ARHGAP28: variants seen among roughly 807,000 people sequenced by gnomAD.
The protein encoded by ARHGAP28 is Rho GTPase activating protein 28.
A neutral mutation model predicts 90.7 loss-of-function variants in ARHGAP28; 56 were observed. The ratio of observed to expected loss-of-function variants is 0.62; its 90% CI spans 0.50 to 0.77. ARHGAP28 has a LOEUF of 0.77. Among genes scored for constraint, ARHGAP28 ranks in the 30% least tolerant of loss-of-function variants. The pLI, the probability that ARHGAP28 is intolerant of heterozygous loss-of-function variation, is 0.00. For synonymous variants in ARHGAP28, 308 were observed against 323.3 expected (o/e 0.95, Z 0.51); for missense variants, 869 against 900.9 (o/e 0.96, Z 0.45).
At chr18:6,898,707 A>G (rs1202591971) in intron 16 of ARHGAP28, 5 of 1,402,372 alleles carry the variant, frequency 3.6e-6, no homozygotes, top group Non-Finnish European at 4.6e-6. Context: ...TCTAATAAAA[A>G]TGTATTAGAA....
chr18:6,838,161 G>A lies in ARHGAP28; in HGVS notation c.543+747G>A, dbSNP rs79850939. On this transcript the variant is annotated intron_variant, in intron 3 of 17. Transcript: ENST00000383472. Reference sequence around the variant, plus strand: ...ATGCATTATCTGCGCAAGATCCTAGGTTAGGTTCTATGCAGATGGGATTCT... The same window carrying A: ...ATGCATTATCTGCGCAAGATCCTAGATTAGGTTCTATGCAGATGGGATTCT... Among the ~76,000 whole-genome samples, 879 of 152,296 alleles carry A rather than the reference G, an allele frequency of 5.8e-3. 6 individuals carry two copies. Among genetic ancestry groups the A allele is most frequent in the Non-Finnish European group, 8.2e-3 (555 of 68,032 alleles).
chr18:6,827,480 T>G (rs1332068575), intron 2 of ARHGAP28, among the ~76,000 whole-genome samples: 1 of 115,030 alleles, frequency 8.7e-6, no homozygotes, highest in African/African-American at 3.3e-5. Flanking sequence ...CACTTCCCAG[T>G]AGGGGCGGCC....
chr18:6,775,070 A>G (rs1439101234), intron 1 of ARHGAP28, among the ~76,000 whole-genome samples: 2 of 152,210 alleles, frequency 1.3e-5, no homozygotes, highest in Non-Finnish European at 2.9e-5. Context: ...GGCTTCCATA[A>G]TATCGATTAA....
Position 6,731,291 on chromosome 18 carries a change from C to CGTGTGTGTGTGT in ARHGAP28, c.122+1359_122+1370dup, listed in dbSNP as rs60399521. On this transcript the variant is annotated intron_variant, in intron 1 of 17. Transcript: ENST00000383472. The stretch of plus-strand genomic sequence containing the variant: ...AACTAAATAAATATATATATGTGTG[C>CGTGTGTGTGTGT]GTGTGTGTGTGTGTGTGTGTGTTTT... 6.0e-5 allele frequency among the ~76,000 whole-genome samples: 9 copies of CGTGTGTGTGTGT among 149,578 alleles called. No individual in the cohort carries two copies. The East Asian group carries it at 1.8e-3, about 29-fold the overall frequency.
intron 1 of ARHGAP28, among the ~76,000 whole-genome samples, chr18:6,756,988 A>T (rs2056116100): frequency 1.3e-5 from 2 of 152,144 alleles, no homozygotes; most frequent in Non-Finnish European, 1.5e-5. Flanking sequence ...CACTGACTCA[A>T]ATCTTAATCT....
chr18:6,821,254 GAAT>G lies in ARHGAP28; in HGVS notation c.123-3502_123-3500del, dbSNP rs554967048. ...TAAAAAGACAATGGAAGAAAAAATA[GAAT>G]AATAAAATCTTTTCTTAATGCCACT... On this transcript the variant is annotated intron_variant, in intron 1 of 17. Transcript: ENST00000383472. Among the ~76,000 whole-genome samples, 900 of 152,236 alleles carry G rather than the reference GAAT, an allele frequency of 5.9e-3. 6 individuals carry two copies. The highest frequency in any genetic ancestry group is 7.7e-3 in the Non-Finnish European group (523 of 67,998).
At chr18:6,762,045 T>TGGTA (rs2056164384) in intron 1 of ARHGAP28, among the ~76,000 whole-genome samples, 2 of 152,200 alleles carry the variant, frequency 1.3e-5, no homozygotes, top group African/African-American at 4.8e-5. Flanking sequence ...ACCCATTTGC[T>TGGTA]GGTAGCATAG....
intron 16 of ARHGAP28, chr18:6,898,530 A>G (rs1436312090): frequency 6.2e-7 from 1 of 1,614,170 alleles, no homozygotes; most frequent in Non-Finnish European, 8.5e-7. Context: ...CAGGAGCCCC[A>G]AACATGTATT....
Position 6,914,695 on chromosome 18 carries a change from C to A in ARHGAP28, c.*2541C>A, listed in dbSNP as rs2057414564. 1 of 152,126 alleles carries A rather than the reference C, an allele frequency of 6.6e-6. No homozygotes were observed. The allele number at this position is 152,126 out of a possible 1,614,324, so 9.4% of individuals were successfully genotyped here. ...GGCTTCTACATGCTATCCTTAAGAG[C>A]TTCTCCCCCTCACCCATTCCTAGTG... On this transcript the variant is annotated 3_prime_UTR_variant, in exon 18 of 18. Coordinates refer to ENST00000383472, the MANE Select transcript of ARHGAP28 (RefSeq NM_001366230.1).
intron 3 of ARHGAP28, among the ~76,000 whole-genome samples, chr18:6,841,168 C>CTCTT (rs1491301570): frequency 2.4e-4 from 16 of 65,982 alleles, no homozygotes; most frequent in Middle Eastern, 0.014. Context: ...TCTCTCTCTC[C>CTCTT]TCTCTCTCTC....
chr18:6,790,243 C>A (rs1456968864), intron 1 of ARHGAP28: 2 of 152,116 alleles, frequency 1.3e-5, no homozygotes, highest in Non-Finnish European at 2.9e-5. Context: ...GGCTAGATAC[C>A]TTAAGTACAC....
In ARHGAP28 at chr18:6,837,246, G is replaced by C. The variant is rs758873046; in HGVS notation, c.375G>C (p.Leu125=). The C allele has an allele frequency of 1.3e-6, 2 of 1,589,168 alleles. No homozygotes were observed. Among genetic ancestry groups the C allele is most frequent in the Non-Finnish European group, 8.6e-7 (1 of 1,169,368 alleles). ...EWLQDVGLST[L]ISGDEEEDGK... ...TGCAAGATGTGGGTTTATCAACTCTGATCTCAGGTGATGAAGAGGAAGATG... is the reference window on the plus strand; with the variant it reads ...TGCAAGATGTGGGTTTATCAACTCTCATCTCAGGTGATGAAGAGGAAGATG... The change falls in exon 3 of 18, where the codon CTG becomes CTC. Residue 125 remains leucine (L), a synonymous_variant. Transcript: ENST00000383472.
chr18:6,902,179 T>A (rs1481616878), intron 16 of ARHGAP28, among the ~76,000 whole-genome samples: 1 of 152,198 alleles, frequency 6.6e-6, no homozygotes, highest in African/African-American at 2.4e-5. Context: ...AAATTCTGGA[T>A]AGGATCCTTG....
intron 1 of ARHGAP28, among the ~76,000 whole-genome samples, chr18:6,746,104 G>A (rs745420993): frequency 3.3e-5 from 5 of 152,036 alleles, no homozygotes; most frequent in Admixed American, 2.0e-4. Context: ...ATCCACGAAG[G>A]GATCATTTTG....
intron 2 of ARHGAP28, among the ~76,000 whole-genome samples, chr18:6,827,583 GT>G (rs1485693029): frequency 1.4e-5 from 2 of 147,446 alleles, no homozygotes; most frequent in Non-Finnish European, 3.0e-5. Flanking sequence ...GACTGGCTGG[GT>G]GGGGGGCTGA....
intron 14 of ARHGAP28, among the ~76,000 whole-genome samples, chr18:6,891,992 T>A (rs2057269654): frequency 6.6e-6 from 1 of 151,604 alleles, no homozygotes; most frequent in South Asian, 2.1e-4. Flanking sequence ...CAGGAGGGAG[T>A]GTTGTTGATT....
intron 17 of ARHGAP28, 33 bp from the exon 18 acceptor site, chr18:6,912,027 A>T: frequency 7.0e-7 from 1 of 1,428,426 alleles, no homozygotes; most frequent in Non-Finnish European, 9.8e-7. Flanking sequence ...ACACAAATGT[A>T]CACTAATTCT....
chr18:6,879,347 G>A (rs915258783), intron 10 of ARHGAP28, among the ~76,000 whole-genome samples: 10 of 152,148 alleles, frequency 6.6e-5, no homozygotes, highest in Non-Finnish European at 1.3e-4. Flanking sequence ...GGCTTATTTA[G>A]GCTGGTCATT....
intron 3 of ARHGAP28, among the ~76,000 whole-genome samples, chr18:6,850,087 A>G (rs2056897965): frequency 6.6e-6 from 1 of 152,174 alleles, no homozygotes. Context: ...ATGCGTAATT[A>G]TAACTTGGCC....
Sources: allele counts gnomAD v4.1 joint callset (sites outside exome capture counted in the v4.1 genomes callset), GRCh38; gene constraint gnomAD v4.1.1; transcripts MANE v1.5; gene names NCBI Gene and HGNC (gene_info 2026-07-23, HGNC 2026-07-21).